Variants in NEK11 observed in about 807,000 individuals in gnomAD.
The protein encoded by NEK11 is serine/threonine-protein kinase Nek11.
NEK11 carries 72 observed loss-of-function variants against 80.7 expected under a neutral mutation model. The ratio of observed to expected loss-of-function variants is 0.89; its 90% CI spans 0.74 to 1.08. NEK11 has a LOEUF of 1.08. Ranked by LOEUF, NEK11 falls within the 50% of genes least tolerant of loss-of-function variation. NEK11 has a pLI of 0.00. For synonymous variants in NEK11, 251 were observed against 260.7 expected (o/e 0.96, Z 0.36); for missense variants, 764 against 763.6 (o/e 1.00, Z -0.01).
At chr3:131,249,035 CA>C (rs1451119392) in intron 16 of NEK11, among the ~76,000 whole-genome samples, 1 of 150,000 alleles carries the variant, frequency 6.7e-6, no homozygotes, top group African/African-American at 2.4e-5. Flanking sequence ...AAGAAATGAG[CA>C]TTAGAATCAT....
intron 14 of NEK11, among the ~76,000 whole-genome samples, chr3:131,173,537 C>T (rs2092820335): frequency 6.6e-6 from 1 of 150,420 alleles, no homozygotes; most frequent in African/African-American, 2.4e-5. Flanking sequence ...GCTTAAGGAC[C>T]ACAGAGTTCC....
intron 16 of NEK11, among the ~76,000 whole-genome samples, chr3:131,259,508 G>A (rs950686365): frequency 6.0e-4 from 91 of 152,252 alleles, no homozygotes; most frequent in African/African-American, 1.8e-3. Flanking sequence ...CTAGGAAGCC[G>A]TCTCTGACAG....
chr3:131,250,664 G>T (rs1206061284), intron 16 of NEK11, among the ~76,000 whole-genome samples: 2 of 152,072 alleles, frequency 1.3e-5, no homozygotes, highest in African/African-American at 4.8e-5. Context: ...TGAACGATAG[G>T]TGGGCAACAG....
intron 17 of NEK11, among the ~76,000 whole-genome samples, chr3:131,280,215 A>G (rs905087665): frequency 1.3e-5 from 2 of 152,228 alleles, no homozygotes; most frequent in Non-Finnish European, 2.9e-5. Flanking sequence ...TTTTCTGGTG[A>G]CATTCTCTGA....
Position 131,349,740 on chromosome 3 carries a change from G to A in NEK11, c.1902G>A (p.Thr634=), listed in dbSNP as rs778557544. The change falls in exon 18 of 18, where the codon ACG becomes ACA. Residue 634 remains threonine (T), a synonymous_variant. Transcript: ENST00000383366. The part of the protein sequence containing the change: ...LLYFEEQLLI[T]MGKEPTLQNH... ...ACTTTGAAGAGCAGTTGCTGATCAC[G>A]ATGGGAAAAGAACCTACTCTCCAGA... 6.2e-6 allele frequency: 10 copies of A among 1,614,118 alleles called. No homozygotes were observed. Among genetic ancestry groups the A allele is most frequent in the South Asian group, 3.3e-5 (3 of 91,080 alleles).
intron 16 of NEK11, among the ~76,000 whole-genome samples, chr3:131,266,072 A>AT (rs555468732): frequency 3.3e-5 from 5 of 152,058 alleles, no homozygotes; most frequent in Non-Finnish European, 7.4e-5. Context: ...CCCCTTTATC[A>AT]TTTTTTATTG....
intron 4 of NEK11, among the ~76,000 whole-genome samples, chr3:131,104,560 C>T (rs778846808): frequency 7.9e-5 from 12 of 152,076 alleles, no homozygotes; most frequent in Non-Finnish European, 1.5e-4. Context: ...GAGCGATGAC[C>T]AGCTGGAATG....
chr3:131,033,330 G>A (rs906604772), intron 3 of NEK11, among the ~76,000 whole-genome samples: 1 of 152,124 alleles, frequency 6.6e-6, no homozygotes, highest in African/African-American at 2.4e-5. Flanking sequence ...ATTGGTTAAT[G>A]TTAGAGGTGG....
At chr3:131,108,315 T>G (rs1560438377) in intron 4 of NEK11, among the ~76,000 whole-genome samples, 1 of 152,166 alleles carries the variant, frequency 6.6e-6, no homozygotes. Flanking sequence ...CTTTGCATCT[T>G]AACAACAACT....
chr3:131,161,714 G>GA (rs2149937113), intron 10 of NEK11, among the ~76,000 whole-genome samples: 1 of 152,188 alleles, frequency 6.6e-6, no homozygotes, highest in Non-Finnish European at 1.5e-5. Context: ...AGAGGATCAG[G>GA]AAAAATAACT....
rs572992963 is a variant in NEK11, at chr3:131,070,059, G to T, written c.171-10364G>T. On this transcript the variant is annotated intron_variant, in intron 3 of 17. Coordinates refer to ENST00000383366, the MANE Select transcript of NEK11 (RefSeq NM_024800.5). The stretch of plus-strand genomic sequence containing the variant: ...TTAACCTAACACTAATTTTAAATTT[G>T]GAGCATATAATAATTGTAACAGAAG... 9.9e-5 allele frequency among the ~76,000 whole-genome samples: 15 copies of T among 151,940 alleles called. 2 individuals carry two copies. The highest frequency in any genetic ancestry group is 8.5e-4 in the Admixed American group (13 of 15,254).
At chr3:131,176,292 C>T (rs570527400) in intron 14 of NEK11, among the ~76,000 whole-genome samples, 2 of 152,260 alleles carry the variant, frequency 1.3e-5, no homozygotes, top group East Asian at 3.9e-4. Flanking sequence ...AAAAGAAGAC[C>T]AAACAAATGC....
intron 3 of NEK11, among the ~76,000 whole-genome samples, chr3:131,075,838 G>T (rs1019834795): frequency 6.6e-6 from 1 of 152,176 alleles, no homozygotes; most frequent in Admixed American, 6.6e-5. Flanking sequence ...CCCTTTGCCA[G>T]TTTAAGCAGA....
intron 17 of NEK11, chr3:131,330,768 C>A (rs1361610348): frequency 6.6e-6 from 1 of 152,154 alleles, no homozygotes; most frequent in Non-Finnish European, 1.5e-5. Context: ...CAGAACACCA[C>A]AATCTGAGTA....
At chr3:131,158,344 T>A (rs2091042586) in intron 10 of NEK11, among the ~76,000 whole-genome samples, 1 of 152,168 alleles carries the variant, frequency 6.6e-6, no homozygotes. Flanking sequence ...TTGACTTTCC[T>A]GCCCTGCCAG....
At chr3:131,143,644 A>G (rs901472012) in intron 7 of NEK11, among the ~76,000 whole-genome samples, 5 of 152,104 alleles carry the variant, frequency 3.3e-5, no homozygotes, top group African/African-American at 1.2e-4. Context: ...TGATTTACAT[A>G]TATGTTAAAG....
intron 3 of NEK11, among the ~76,000 whole-genome samples, chr3:131,037,804 C>A (rs886899046): frequency 1.3e-5 from 2 of 152,102 alleles, no homozygotes; most frequent in Admixed American, 6.6e-5. Flanking sequence ...TCATTTTAAA[C>A]AAAACATCAA....
intron 14 of NEK11, among the ~76,000 whole-genome samples, chr3:131,189,655 C>G (rs974245795): frequency 3.3e-5 from 5 of 152,072 alleles, no homozygotes; most frequent in African/African-American, 9.7e-5. Flanking sequence ...AAACATAAAC[C>G]CTTTTATCTC....
In NEK11 at chr3:131,174,044, C is replaced by T. The variant is rs991401252; in HGVS notation, c.1399+3157C>T. Among the ~76,000 whole-genome samples the T allele has an allele frequency of 2.6e-5, 4 of 152,146 alleles. No homozygotes were observed. In the South Asian group the frequency reaches 8.3e-4, roughly 32 times the overall value. ...TTTCCTGTCTGTAAATTCATACCTTCTAAATGCTATTCTTTCTTAATATTA... is the reference window on the plus strand; with the variant it reads ...TTTCCTGTCTGTAAATTCATACCTTTTAAATGCTATTCTTTCTTAATATTA... On this transcript the variant is annotated intron_variant, in intron 14 of 17. Coordinates refer to ENST00000383366, the MANE Select transcript of NEK11 (RefSeq NM_024800.5).
Sources: gnomAD v4.1 joint callset for allele counts (sites outside exome capture counted in the v4.1 genomes callset) on GRCh38, gnomAD v4.1.1 for gene constraint, MANE v1.5 for transcripts, NCBI Gene and HGNC (gene_info 2026-07-23, HGNC 2026-07-21) for gene names.